The following FBXW7 variants were observed in gnomAD, a reference collection of about 807,000 sequenced individuals.
FBXW7 encodes F-box/WD repeat-containing protein 7.
Under a neutral mutation model 86.3 loss-of-function variants are expected in FBXW7, and 11 were observed. The ratio of observed to expected loss-of-function variants is 0.13; its 90% CI spans 0.08 to 0.21. The LOEUF (loss-of-function observed/expected upper bound fraction) is 0.21. FBXW7 is among the 10% of genes least tolerant of loss of function. FBXW7 has a pLI of 1.00. For missense variants in FBXW7, 488 were observed against 847.4 expected, an observed-to-expected ratio of 0.58 and a Z score of 5.27; for synonymous variants, 313 against 297.9, an observed-to-expected ratio of 1.05 and a Z score of -0.52.
chr4:152,446,983 A>C (rs2676332), intron 2 of FBXW7, among the ~76,000 whole-genome samples: 1 of 152,160 alleles, frequency 6.6e-6, no homozygotes, highest in Non-Finnish European at 1.5e-5. Context: ...GTTGAATAAT[A>C]AAAGATTACA....
At chr4:152,516,482 T>A (rs1748508532) in intron 2 of FBXW7, among the ~76,000 whole-genome samples, 1 of 152,170 alleles carries the variant, frequency 6.6e-6, no homozygotes, top group Admixed American at 6.5e-5. Flanking sequence ...AAAACTGTCT[T>A]CCACAAAAAT....
chr4:152,463,667 G>A (rs973850388), intron 2 of FBXW7, among the ~76,000 whole-genome samples: 2 of 152,136 alleles, frequency 1.3e-5, no homozygotes, highest in African/African-American at 4.8e-5. Context: ...ACTTTCCACT[G>A]GGAAATAACA....
intron 2 of FBXW7, among the ~76,000 whole-genome samples, chr4:152,507,349 GAA>G (rs1225610991): frequency 1.3e-5 from 2 of 152,124 alleles, no homozygotes; most frequent in Non-Finnish European, 2.9e-5. Flanking sequence ...GAAGCTCTTA[GAA>G]AAGTTTTTTA....
chr4:152,477,291 G>T (rs1744507084), intron 2 of FBXW7, among the ~76,000 whole-genome samples: 1 of 152,134 alleles, frequency 6.6e-6, no homozygotes, highest in Non-Finnish European at 1.5e-5. Context: ...AAAGTTCTAA[G>T]AAGGATCCAA....
chr4:152,353,816 A>G (rs1407170209), intron 4 of FBXW7, among the ~76,000 whole-genome samples: 1 of 152,202 alleles, frequency 6.6e-6, no homozygotes, highest in Non-Finnish European at 1.5e-5. Flanking sequence ...ACCTTCAGGG[A>G]CAATTATAAG....
In FBXW7 at chr4:152,402,560, G is replaced by A. The variant is rs575266339; in HGVS notation, c.501+8743C>T. On this transcript the variant is annotated intron_variant, in intron 4 of 13. Coordinates refer to ENST00000281708, the MANE Select transcript of FBXW7 (RefSeq NM_001349798.2). The stretch of plus-strand genomic sequence containing the variant: ...TCCAAACGTTAACAAAAGTACAACC[G>A]GGACCCAGCATAAGATCTGAGTTCC... 5.3e-5 allele frequency among the ~76,000 whole-genome samples: 8 copies of A among 152,128 alleles called. No individual in the cohort carries two copies. In the South Asian group the frequency reaches 1.2e-3, roughly 24 times the overall value.
intron 4 of FBXW7, chr4:152,382,194 T>C: frequency 1.3e-6 from 2 of 1,552,034 alleles, no homozygotes; most frequent in Non-Finnish European, 1.7e-6. Flanking sequence ...CTTACCCGTC[T>C]TCGACAAAAA....
At chr4:152,380,763 CTTGA>C (rs1250694617) in intron 4 of FBXW7, among the ~76,000 whole-genome samples, 5 of 151,948 alleles carry the variant, frequency 3.3e-5, no homozygotes, top group African/African-American at 9.7e-5. Context: ...AAAAAATTAA[CTTGA>C]TTATTAACAT....
chr4:152,481,510 T>C (rs953954634), intron 2 of FBXW7, among the ~76,000 whole-genome samples: 16 of 152,214 alleles, frequency 1.1e-4, no homozygotes, highest in Admixed American at 2.6e-4. Context: ...TTAAGAAATA[T>C]ATTTCATAAA....
At chr4:152,358,241 G>C (rs1732586373) in intron 4 of FBXW7, among the ~76,000 whole-genome samples, 1 of 152,078 alleles carries the variant, frequency 6.6e-6, no homozygotes, top group African/African-American at 2.4e-5. Context: ...TATGACCCAG[G>C]AAAGAATTTA....
chr4:152,467,444 T>A (rs1040355636), intron 2 of FBXW7, among the ~76,000 whole-genome samples: 5 of 152,174 alleles, frequency 3.3e-5, no homozygotes, highest in African/African-American at 1.2e-4. Flanking sequence ...TATGTCTTTA[T>A]CAGCAGCGTG....
chr4:152,463,852 T>C (rs1260725127), intron 2 of FBXW7, among the ~76,000 whole-genome samples: 1 of 152,186 alleles, frequency 6.6e-6, no homozygotes, highest in Non-Finnish European at 1.5e-5. Context: ...ACCCAATTTA[T>C]ATATAAGTGG....
At chr4:152,490,736 T>C (rs1278644546) in intron 2 of FBXW7, among the ~76,000 whole-genome samples, 1 of 151,912 alleles carries the variant, frequency 6.6e-6, no homozygotes, top group Non-Finnish European at 1.5e-5. Flanking sequence ...ACAATACCAA[T>C]AGTGTGTATC....
chr4:152,456,109 T>A (rs577706242), intron 2 of FBXW7, among the ~76,000 whole-genome samples: 1 of 151,694 alleles, frequency 6.6e-6, no homozygotes, highest in Non-Finnish European at 1.5e-5. Context: ...AAGACATGGG[T>A]AAAGAAAAAA....
At chr4:152,529,918 T>C (rs1164612029) in intron 2 of FBXW7, among the ~76,000 whole-genome samples, 2 of 151,712 alleles carry the variant, frequency 1.3e-5, no homozygotes, top group Non-Finnish European at 2.9e-5. Flanking sequence ...TAGTCGGGCA[T>C]GGTGGCGCAT....
intron 4 of FBXW7, among the ~76,000 whole-genome samples, chr4:152,390,099 T>C (rs2126805855): frequency 1.3e-5 from 2 of 151,972 alleles, no homozygotes; most frequent in East Asian, 3.9e-4. Flanking sequence ...TAATAATATG[T>C]GTGTGTGTTT....
chr4:152,410,276 G>C (rs1362671108), intron 4 of FBXW7, among the ~76,000 whole-genome samples: 2 of 152,136 alleles, frequency 1.3e-5, no homozygotes, highest in Non-Finnish European at 2.9e-5. Context: ...CCTTGAAGAA[G>C]ATGATCAAGA....
At chr4:152,419,906 C>T (rs560764117) in intron 2 of FBXW7, among the ~76,000 whole-genome samples, 48 of 151,988 alleles carry the variant, frequency 3.2e-4, no homozygotes, top group African/African-American at 1.1e-3. Flanking sequence ...ATTTTTTTGC[C>T]GGTGGGGGGT....
intron 2 of FBXW7, among the ~76,000 whole-genome samples, chr4:152,507,590 A>G (rs531255976): frequency 2.6e-5 from 4 of 152,248 alleles, no homozygotes; most frequent in Non-Finnish European, 5.9e-5. Flanking sequence ...GTTCTAAGAC[A>G]CAAAGACTTT....
Sources: allele counts gnomAD v4.1 joint callset (sites outside exome capture counted in the v4.1 genomes callset), GRCh38; gene constraint gnomAD v4.1.1; transcripts MANE v1.5; gene names NCBI Gene and HGNC (gene_info 2026-07-23, HGNC 2026-07-21).